IFNK: variants seen among roughly 807,000 people sequenced by gnomAD.
IFNK encodes the protein interferon kappa.
A neutral mutation model predicts 12.0 loss-of-function variants in IFNK; 13 were observed. That is an observed-to-expected ratio of 1.08 (90% CI 0.70 to 1.72). The LOEUF (loss-of-function observed/expected upper bound fraction) is 1.72, where lower values mean the gene tolerates loss of function less well. IFNK is among the 40% of genes most tolerant of loss of function. The probability of loss-of-function intolerance (pLI) is 0.00; values close to 1 mark genes in which losing one functional copy is unlikely to be tolerated. For missense variants in IFNK, 248 were observed against 237.0 expected (o/e 1.05, Z -0.30); for synonymous variants, 94 against 82.3 (o/e 1.14, Z -0.77).
intron 1 of IFNK, 129 bp from the exon 2 acceptor site, chr9:27,525,877 TA>T (rs765840313): frequency 2.6e-5 from 4 of 152,242 alleles, no homozygotes; most frequent in African/African-American, 4.8e-5. Flanking sequence ...TTTATCTTTT[TA>T]AAAGTTACTT....
intron 1 of IFNK, among the ~76,000 whole-genome samples, chr9:27,525,500 T>G (rs1474242475): frequency 6.6e-6 from 1 of 152,182 alleles, no homozygotes; most frequent in East Asian, 1.9e-4. Flanking sequence ...CAGCTTGGTT[T>G]GTTTGAATTG....
At position 27,524,532 on chromosome 9, in the gene IFNK, T is replaced by A. The variant is rs745823505; in HGVS notation, c.196T>A (p.Phe66Ile). The change falls in exon 1 of 2, where the codon TTT (phenylalanine) becomes ATT (isoleucine). Residue 66 changes from phenylalanine (F) to isoleucine (I), a missense_variant. Physicochemically the swap from Phe to Ile is conservative, Grantham distance 21. Transcript: ENST00000276943. ...PVECLRENIA[F>I]ELPQEFLQYT... ...AGAATGTCTACGAGAAAACATAGCT[T>A]TTGAGTTGCCCCAAGAGTTTCTGCA... The A allele has an allele frequency of 5.0e-6, 8 of 1,613,970 alleles. No individual in the cohort carries two copies. In the South Asian group the frequency reaches 8.8e-5, roughly 18 times the overall value.
intron 1 of IFNK, among the ~76,000 whole-genome samples, chr9:27,525,718 C>T (rs1415161635): frequency 6.6e-6 from 1 of 152,118 alleles, no homozygotes; most frequent in East Asian, 1.9e-4. Flanking sequence ...GGTACAGAAT[C>T]TGTCTTTTAC....
intron 1 of IFNK, 104 bp downstream of exon 1, chr9:27,525,065 C>A: frequency 1.0e-6 from 1 of 961,036 alleles, no homozygotes; most frequent in Non-Finnish European, 1.5e-6. Flanking sequence ...TAAGCCTGTC[C>A]TCAGTTGGAC....
chr9:27,525,018 C>T (rs1820413288), intron 1 of IFNK, 57 bp downstream of exon 1: 4 of 1,384,340 alleles, frequency 2.9e-6, no homozygotes, highest in South Asian at 1.4e-5. Context: ...TCCTTCTCCT[C>T]CTCCAACTTC....
intron 1 of IFNK, among the ~76,000 whole-genome samples, chr9:27,525,383 T>G (rs1442771676): frequency 6.6e-6 from 1 of 152,174 alleles, no homozygotes; most frequent in Non-Finnish European, 1.5e-5. Flanking sequence ...CTATGAAAAT[T>G]CAGCACATTA....
rs146588377 is a variant in IFNK, at chr9:27,524,414, A to C, written c.78A>C (p.Leu26=). 131 of 1,614,104 alleles carry C rather than the reference A, an allele frequency of 8.1e-5. No individual in the cohort carries two copies. The African/African-American group carries it at 1.5e-3, about 18-fold the overall frequency. The change falls in exon 1 of 2, where the codon CTA becomes CTC. Residue 26 remains leucine, a synonymous_variant. Coordinates refer to ENST00000276943, the MANE Select transcript of IFNK (RefSeq NM_020124.3). ...TGGGTATATTCATTGCTGGCACCCT[A>C]TCCCTGGACTGTAACTTACTGAACG... ...ILMGIFIAGT[L]SLDCNLLNVH...
chr9:27,524,663 A>G lies in IFNK; in HGVS notation c.327A>G (p.Arg109=), dbSNP rs1480938835. 3.1e-6 allele frequency: 5 copies of G among 1,613,968 alleles called. No homozygotes were observed. In the East Asian group the frequency reaches 1.1e-4, roughly 36 times the overall value. ...SQHTFKYWKE[R]HLKQIQIGLD... is the part of the protein sequence containing the mutation. ...ACACCTTCAAATATTGGAAAGAGAG[A>G]CACCTCAAACAAATCCAAATAGGAC... The change falls in exon 1 of 2, where the codon AGA becomes AGG. Residue 109 remains arginine, a synonymous_variant. Transcript: ENST00000276943.
Position 27,524,633 on chromosome 9 carries a change from C to G in IFNK, c.297C>G (p.Ser99Arg). 6.2e-7 allele frequency: 1 copy of G among 1,614,028 alleles called. No homozygotes were observed. Among genetic ancestry groups the G allele is most frequent in the Non-Finnish European group, 8.5e-7 (1 of 1,179,960 alleles). Reference protein sequence around the residue: ...EMSLQAFNIFSQHTFKYWKER... With the variant: ...EMSLQAFNIFRQHTFKYWKER... ...CCCTACAGGCCTTCAACATCTTCAG[C>G]CAACACACCTTCAAATATTGGAAAG... Residue 99 changes from serine to arginine, a missense_variant, in exon 1 of 2, where the codon AGC (serine) becomes AGG (arginine). Physicochemically the swap from Ser to Arg is moderately radical, Grantham distance 110. Transcript: ENST00000276943.
chr9:27,526,428 G>A lies in IFNK; in HGVS notation c.*423G>A, dbSNP rs1820438498. 2 of 152,200 alleles carry A rather than the reference G, an allele frequency of 1.3e-5. No individual in the cohort carries two copies. The highest frequency in any genetic ancestry group is 4.8e-5 in the African/African-American group (2 of 41,442). 9.4% of individuals were successfully genotyped at this position (152,200 alleles called of 1,614,324 possible). ...AAGGAGTTAGGACATGCAAGCTACT[G>A]AGCATAAAATATATACTTGCTATTT... On this transcript the variant is annotated 3_prime_UTR_variant, in exon 2 of 2. Transcript: ENST00000276943.
chr9:27,525,112 AAG>A, intron 1 of IFNK, 151 bp downstream of exon 1: 4 of 651,624 alleles, frequency 6.1e-6, no homozygotes, highest in Non-Finnish European at 1.0e-5. Flanking sequence ...TCACCTCTCT[AAG>A]GAGAGGTAAT....
rs1246651069 is a variant in IFNK at position 27,524,294 on chromosome 9, T to A, written c.-43T>A. ...ACATGAAGGAAAACTCAAAACATCA[T>A]TGTCATATACACATCTTCTGGATTT... On this transcript the variant is annotated 5_prime_UTR_variant, in exon 1 of 2. It adds an upstream start codon to the 5' untranslated region. Coordinates refer to ENST00000276943, the MANE Select transcript of IFNK (RefSeq NM_020124.3). The A allele has an allele frequency of 6.4e-7, 1 of 1,565,596 alleles. No homozygotes were observed. Among genetic ancestry groups the A allele is most frequent in the Non-Finnish European group, 8.6e-7 (1 of 1,157,074 alleles).
At chr9:27,525,451 G>C (rs577018814) in intron 1 of IFNK, among the ~76,000 whole-genome samples, 2 of 152,062 alleles carry the variant, frequency 1.3e-5, no homozygotes, top group East Asian at 1.9e-4. Flanking sequence ...CCTCCTGCTC[G>C]GGGGGAAAAA....
chr9:27,525,264 A>C (rs1361728579), intron 1 of IFNK, among the ~76,000 whole-genome samples: 2 of 152,148 alleles, frequency 1.3e-5, no homozygotes, highest in Non-Finnish European at 2.9e-5. Flanking sequence ...TGCTATATAT[A>C]CCACCTGTGG....
At position 27,524,710 on chromosome 9, in the gene IFNK, T is replaced by C. The variant is rs574827923; in HGVS notation, c.374T>C (p.Leu125Pro). 4.4e-5 allele frequency: 71 copies of C among 1,613,990 alleles called. 2 individuals carry two copies. The South Asian group carries it at 7.1e-4, about 16-fold the overall frequency. The change falls in exon 1 of 2, where the codon CTG becomes CCG. Residue 125 changes from leucine (L) to proline (P), a missense_variant. By Grantham distance (98) the Leu-to-Pro change is moderately conservative (BLOSUM62 -3). Coordinates refer to ENST00000276943, the MANE Select transcript of IFNK (RefSeq NM_020124.3). ...GGACTTGATCAGCAAGCAGAGTACC[T>C]GAACCAATGCTTGGAGGAAGACAAG... The part of the protein sequence containing the change: ...QIGLDQQAEY[L>P]NQCLEEDKNE...
In IFNK at chr9:27,524,835, C is replaced by T. The variant is rs1385841007; in HGVS notation, c.499C>T (p.His167Tyr). Residue 167 changes from histidine to tyrosine, a missense_variant, in exon 1 of 2, where the codon CAC becomes TAC. Coordinates refer to ENST00000276943, the MANE Select transcript of IFNK (RefSeq NM_020124.3). ...CAGCCTGGAACTGAGGAGATATTTC[C>T]ACAGGATAGACAATTTCCTGAAAGA... Reference protein sequence around the residue: ...LSSLELRRYFHRIDNFLKEKK... With the variant: ...LSSLELRRYFYRIDNFLKEKK... The T allele has an allele frequency of 6.2e-7, 1 of 1,614,072 alleles. No individual in the cohort carries two copies. Among genetic ancestry groups the T allele is most frequent in the South Asian group, 1.1e-5 (1 of 91,074 alleles).
chr9:27,524,847 A>T lies in IFNK; in HGVS notation c.511A>T (p.Asn171Tyr). The T allele has an allele frequency of 6.2e-7, 1 of 1,614,062 alleles. No individual in the cohort carries two copies. Among genetic ancestry groups the T allele is most frequent in the Non-Finnish European group, 8.5e-7 (1 of 1,179,968 alleles). Residue 171 changes from asparagine to tyrosine, a missense_variant, in exon 1 of 2, where the codon AAT (asparagine) becomes TAT (tyrosine). Physicochemically the swap from Asn to Tyr is moderately radical, Grantham distance 143 (BLOSUM62 -2). Transcript: ENST00000276943. ...ELRRYFHRID[N>Y]FLKEKKYSDC... is the part of the protein sequence containing the mutation. ...GAGGAGATATTTCCACAGGATAGAC[A>T]ATTTCCTGAAAGAAAAGAAATACAG... is the stretch of plus-strand genomic sequence containing the variant.
At position 27,524,385 on chromosome 9, in the gene IFNK, C is replaced by G. The variant is rs1223161552; in HGVS notation, c.49C>G (p.Leu17Val). 1 of 1,613,728 alleles carries G rather than the reference C, an allele frequency of 6.2e-7. No individual in the cohort carries two copies. The highest frequency in any genetic ancestry group is 2.2e-5 in the East Asian group (1 of 44,866). The change falls in exon 1 of 2, where the codon CTT (leucine) becomes GTT (valine). Residue 17 changes from leucine (L) to valine (V), a missense_variant. Transcript: ENST00000276943. ...TCAAAAGTGTTTGTGGCTTGAGATCCTTATGGGTATATTCATTGCTGGCAC... is the reference window on the plus strand; with the variant it reads ...TCAAAAGTGTTTGTGGCTTGAGATCGTTATGGGTATATTCATTGCTGGCAC... The part of the protein sequence containing the change: ...MIQKCLWLEI[L>V]MGIFIAGTLS...
At chr9:27,525,921 T>C (rs1260188916) in intron 1 of IFNK, 86 bp from the exon 2 acceptor site, 1 of 152,244 alleles carries the variant, frequency 6.6e-6, no homozygotes, top group Non-Finnish European at 1.5e-5. Context: ...TTTACTTTTC[T>C]AGCACGGCCC....
Sources: gnomAD v4.1 joint callset for allele counts (sites outside exome capture counted in the v4.1 genomes callset) on GRCh38, gnomAD v4.1.1 for gene constraint, MANE v1.5 for transcripts, NCBI Gene and HGNC (gene_info 2026-07-23, HGNC 2026-07-21) for gene names.